The following ARHGEF28 variants were observed in gnomAD, a reference collection of about 807,000 sequenced individuals.
The protein encoded by ARHGEF28 is Rho guanine nucleotide exchange factor 28, also known as 190 kDa guanine nucleotide exchange factor.
A neutral mutation model predicts 206.6 loss-of-function variants in ARHGEF28; 152 were observed. The ratio of observed to expected loss-of-function variants is 0.74; its 90% CI spans 0.64 to 0.84. The LOEUF (loss-of-function observed/expected upper bound fraction) is 0.84. Among genes scored for constraint, ARHGEF28 ranks in the 40% least tolerant of loss-of-function variants. The probability of loss-of-function intolerance (pLI) is 0.00; values close to 1 mark genes in which losing one functional copy is unlikely to be tolerated. For synonymous variants in ARHGEF28, 763 were observed against 776.4 expected, an observed-to-expected ratio of 0.98 and a Z score of 0.29; for missense variants, 2,028 against 2,073.2, an observed-to-expected ratio of 0.98 and a Z score of 0.42.
At chr5:73,655,773 C>T (rs1345866354) in intron 1 of ARHGEF28, among the ~76,000 whole-genome samples, 1 of 152,088 alleles carries the variant, frequency 6.6e-6, no homozygotes, top group Non-Finnish European at 1.5e-5. Context: ...CTTCCTTGAC[C>T]ATTAGAAAAC....
At chr5:73,742,780 C>T (rs1375843122) in intron 2 of ARHGEF28, among the ~76,000 whole-genome samples, 3 of 147,606 alleles carry the variant, frequency 2.0e-5, no homozygotes, top group South Asian at 2.1e-4. Context: ...GCCGAGATTG[C>T]GCCACTGCAG....
chr5:73,813,604 G>T lies in ARHGEF28; in HGVS notation c.1024+18213G>T. ...AAACAAAAAGATGGATTCTGACTCC[G>T]ACTCACCTTTTAACTACTCGTGGCC... On this transcript the variant is annotated intron_variant, in intron 9 of 35. Coordinates refer to ENST00000513042, the MANE Select transcript of ARHGEF28 (RefSeq NM_001177693.2). The T allele has an allele frequency of 2.0e-6, 3 of 1,535,766 alleles. No homozygotes were observed. The South Asian group carries it at 3.6e-5, about 18-fold the overall frequency.
At chr5:73,898,168 G>A (rs1762069771) in intron 30 of ARHGEF28, 75 bp downstream of exon 30, 1 of 1,520,772 alleles carries the variant, frequency 6.6e-7, no homozygotes, top group Non-Finnish European at 8.9e-7. Context: ...GTAAAGTAAA[G>A]GCAATGACTG....
At chr5:73,741,636 G>C (rs982040214) in intron 2 of ARHGEF28, among the ~76,000 whole-genome samples, 4 of 136,096 alleles carry the variant, frequency 2.9e-5, no homozygotes, top group Non-Finnish European at 6.3e-5. Context: ...GGCCAGGCTA[G>C]TCTCAAACTC....
intron 2 of ARHGEF28, among the ~76,000 whole-genome samples, chr5:73,696,094 G>A (rs1454456974): frequency 6.6e-6 from 1 of 152,186 alleles, no homozygotes; most frequent in African/African-American, 2.4e-5. Context: ...GCAATACCTA[G>A]TGCAGTGCCC....
At chr5:73,761,990 C>G (rs1752625249) in intron 4 of ARHGEF28, among the ~76,000 whole-genome samples, 1 of 143,406 alleles carries the variant, frequency 7.0e-6, no homozygotes, top group African/African-American at 2.8e-5. Flanking sequence ...GCCACCACAA[C>G]TGGGTAATTT....
At position 73,718,307 on chromosome 5, in the gene ARHGEF28, G is replaced by A. The variant is rs539172784; in HGVS notation, c.34-31530G>A. 7.2e-5 allele frequency among the ~76,000 whole-genome samples: 11 copies of A among 152,314 alleles called. No homozygotes were observed. In the East Asian group the frequency reaches 1.7e-3, roughly 24 times the overall value. On this transcript the variant is annotated intron_variant, in intron 2 of 35. Transcript: ENST00000513042. ...ATCCTCCTGATCCCCTGTCTGCTGG[G>A]TAGCAGAAGATGACAAAATGACTCT...
At chr5:73,886,234 T>A in intron 25 of ARHGEF28, 130 bp downstream of exon 25, 1 of 1,195,756 alleles carries the variant, frequency 8.4e-7, no homozygotes, top group Non-Finnish European at 1.1e-6. Context: ...AGTTGAAAGA[T>A]TGATTTGTGA....
At chr5:73,649,704 A>T (rs1744674640) in intron 1 of ARHGEF28, among the ~76,000 whole-genome samples, 1 of 152,310 alleles carries the variant, frequency 6.6e-6, no homozygotes, top group Non-Finnish European at 1.5e-5. Context: ...CCAGTGGGAA[A>T]AGAGTCTAAA....
intron 2 of ARHGEF28, among the ~76,000 whole-genome samples, chr5:73,740,365 T>G (rs1345466243): frequency 3.9e-5 from 6 of 152,156 alleles, no homozygotes; most frequent in Admixed American, 3.9e-4. Flanking sequence ...TTAGCCTCAT[T>G]CTTTCTCAGA....
At chr5:73,647,711 G>A (rs1216514265) in intron 1 of ARHGEF28, among the ~76,000 whole-genome samples, 1 of 152,218 alleles carries the variant, frequency 6.6e-6, no homozygotes, top group Non-Finnish European at 1.5e-5. Flanking sequence ...GGTTAGCCAG[G>A]CACCCTGCTA....
Position 73,794,459 on chromosome 5 carries a change from T to C in ARHGEF28, c.963+5T>C. 2 of 1,591,104 alleles carry C rather than the reference T, an allele frequency of 1.3e-6. No homozygotes were observed. Among genetic ancestry groups the C allele is most frequent in the Non-Finnish European group, 1.7e-6 (2 of 1,164,858 alleles). ...GCTGAAAAGGAAGATATAAAGGTAA[T>C]GAATGACTCCCTGCTTCTTTCTTTG... On this transcript the variant is annotated splice_donor_5th_base_variant and intron_variant, in intron 8 of 35. Transcript: ENST00000513042.
chr5:73,672,104 C>G (rs961543857), intron 1 of ARHGEF28, among the ~76,000 whole-genome samples: 5 of 152,024 alleles, frequency 3.3e-5, no homozygotes, highest in Non-Finnish European at 5.9e-5. Context: ...GTTGAAAATT[C>G]TGGCTAAAAG....
intron 20 of ARHGEF28, among the ~76,000 whole-genome samples, chr5:73,868,796 A>G (rs185078451): frequency 6.6e-6 from 1 of 152,108 alleles, no homozygotes; most frequent in African/African-American, 2.4e-5. Context: ...ACAGGTGCGC[A>G]TCACCACCCC....
In ARHGEF28 at chr5:73,894,479, T is replaced by G; in HGVS notation, c.3745T>G (p.Phe1249Val). The G allele has an allele frequency of 4.3e-6, 7 of 1,613,940 alleles. No individual in the cohort carries two copies. The highest frequency in any genetic ancestry group is 5.9e-6 in the Non-Finnish European group (7 of 1,179,878). ...TGCTGAACTTGGAGAACTGAGCGGA[T>G]TTGAGGACGTCCATCTAGAGCCCCA... is the stretch of plus-strand genomic sequence containing the variant. Reference protein sequence around the residue: ...IYAELGELSGFEDVHLEPHLL... With the variant: ...IYAELGELSGVEDVHLEPHLL... Residue 1249 changes from phenylalanine (F) to valine (V), a missense_variant, in exon 29 of 36, where the codon TTT becomes GTT. Phe to Val is a conservative substitution (Grantham distance 50, BLOSUM62 -1). Transcript: ENST00000513042.
At chr5:73,775,422 G>T (rs1753485495) in intron 5 of ARHGEF28, among the ~76,000 whole-genome samples, 1 of 152,070 alleles carries the variant, frequency 6.6e-6, no homozygotes. Context: ...CTTGTTATTG[G>T]CATGGGGAGT....
intron 10 of ARHGEF28, among the ~76,000 whole-genome samples, chr5:73,833,831 A>T (rs1757444583): frequency 6.6e-6 from 1 of 152,308 alleles, no homozygotes; most frequent in Non-Finnish European, 1.5e-5. Context: ...GAAGCCCCTT[A>T]TAAAACCATC....
At chr5:73,638,085 G>A (rs1375584091) in intron 1 of ARHGEF28, among the ~76,000 whole-genome samples, 2 of 152,174 alleles carry the variant, frequency 1.3e-5, no homozygotes, top group Admixed American at 6.5e-5. Context: ...ACGTTAGAAT[G>A]CAACCACAAA....
chr5:73,890,392 A>G (rs923126655), intron 26 of ARHGEF28, among the ~76,000 whole-genome samples: 1 of 152,186 alleles, frequency 6.6e-6, no homozygotes, highest in African/African-American at 2.4e-5. Flanking sequence ...TATAAAGTAC[A>G]TTGCACATTG....
Sources: allele counts gnomAD v4.1 joint callset (sites outside exome capture counted in the v4.1 genomes callset), GRCh38; gene constraint gnomAD v4.1.1; transcripts MANE v1.5; gene names NCBI Gene and HGNC (gene_info 2026-07-23, HGNC 2026-07-21).